RAMP3: variants seen among roughly 807,000 people sequenced by gnomAD.
RAMP3 encodes receptor activity modifying protein 3.
In RAMP3, 14 loss-of-function variants were observed where a neutral mutation model predicts 13.5. The observed-to-expected ratio is 1.04, with a 90% CI of 0.69 to 1.63. The LOEUF (loss-of-function observed/expected upper bound fraction) is 1.63, where lower values mean the gene tolerates loss of function less well. Among genes scored for constraint, RAMP3 ranks in the 40% most tolerant of loss-of-function variants. The pLI, the probability that RAMP3 is intolerant of heterozygous loss-of-function variation, is 0.00. For missense variants in RAMP3, 200 were observed against 204.8 expected (o/e 0.98, Z 0.14); for synonymous variants, 106 against 88.3 (o/e 1.20, Z -1.12).
intron 1 of RAMP3, among the ~76,000 whole-genome samples, chr7:45,162,352 A>G (rs1173304625): frequency 2.0e-5 from 3 of 152,140 alleles, no homozygotes; most frequent in African/African-American, 4.8e-5. Flanking sequence ...GGAGAGAAGG[A>G]AAGGAAGGTG....
At position 45,183,441 on chromosome 7, in the gene RAMP3, C is replaced by CCTGG. The variant is rs1786361871; in HGVS notation, c.*31_*34dup. ...TCCCGGTGAGATGGAGTGGGTCACA[C>CCTGG]CTGGCAAGCTGGAAGAAAGTTCCCT... On this transcript the variant is annotated 3_prime_UTR_variant, in exon 3 of 3. Coordinates refer to ENST00000242249, the MANE Select transcript of RAMP3 (RefSeq NM_005856.3). 1 of 1,603,400 alleles carries CCTGG rather than the reference C, an allele frequency of 6.2e-7. No individual in the cohort carries two copies. The highest frequency in any genetic ancestry group is 1.1e-5 in the South Asian group (1 of 91,038).
chr7:45,173,933 C>G (rs1226166041), intron 1 of RAMP3, among the ~76,000 whole-genome samples: 3 of 152,078 alleles, frequency 2.0e-5, no homozygotes, highest in African/African-American at 7.2e-5. Context: ...ACACATATAG[C>G]AGAGCCTCGA....
chr7:45,181,357 G>T (rs554117982), intron 2 of RAMP3, among the ~76,000 whole-genome samples: 1 of 152,324 alleles, frequency 6.6e-6, no homozygotes, highest in East Asian at 1.9e-4. Flanking sequence ...GGAACAGCAG[G>T]GGCTTTCAGC....
At chr7:45,162,650 G>C (rs563844390) in intron 1 of RAMP3, among the ~76,000 whole-genome samples, 1 of 152,212 alleles carries the variant, frequency 6.6e-6, no homozygotes, top group African/African-American at 2.4e-5. Context: ...AGGGCTTGGC[G>C]GGTTGGGCCA....
intron 1 of RAMP3, chr7:45,163,086 C>T: frequency 1.1e-6 from 1 of 870,102 alleles, no homozygotes; most frequent in Non-Finnish European, 1.4e-6. Flanking sequence ...GACCCCATGT[C>T]TGAATCACTT....
intron 1 of RAMP3, among the ~76,000 whole-genome samples, chr7:45,169,595 G>A (rs954866977): frequency 6.6e-6 from 1 of 152,126 alleles, no homozygotes; most frequent in African/African-American, 2.4e-5. Flanking sequence ...CAGGTGCTGG[G>A]CACTCCTTCC....
chr7:45,163,307 G>T (rs1785898574), intron 1 of RAMP3: 1 of 985,288 alleles, frequency 1.0e-6, no homozygotes, highest in South Asian at 4.7e-5. Flanking sequence ...CATGAATGGT[G>T]GTCCCTACCA....
intron 1 of RAMP3, among the ~76,000 whole-genome samples, chr7:45,174,057 A>G (rs1020309577): frequency 2.0e-5 from 3 of 152,050 alleles, no homozygotes; most frequent in South Asian, 4.2e-4. Context: ...AGCTGAGGAA[A>G]TGGACAAGGC....
In RAMP3 at chr7:45,181,606, G is replaced by C. The variant is rs529899747; in HGVS notation, c.192-1551G>C. The stretch of plus-strand genomic sequence containing the variant: ...ATGCTGGGAACTTCTGAAGGTGAAG[G>C]CTGTTGCAGGGTGTTGTTAGACGGC... On this transcript the variant is annotated intron_variant, in intron 2 of 2. Transcript: ENST00000242249. Among the ~76,000 whole-genome samples, 88 of 152,338 alleles carry C rather than the reference G, an allele frequency of 5.8e-4. 2 individuals are homozygous for C. Among genetic ancestry groups the C allele is most frequent in the African/African-American group, 2.0e-3 (83 of 41,584 alleles).
At chr7:45,174,477 A>G (rs1041830686) in intron 1 of RAMP3, among the ~76,000 whole-genome samples, 1 of 152,142 alleles carries the variant, frequency 6.6e-6, no homozygotes, top group African/African-American at 2.4e-5. Flanking sequence ...ACCTGGACCC[A>G]TCTTGCTCCA....
chr7:45,161,121 T>G lies in RAMP3; in HGVS notation c.58+3235T>G, dbSNP rs562931414. Among the ~76,000 whole-genome samples the G allele has an allele frequency of 2.8e-3, 395 of 142,136 alleles. 2 individuals are homozygous for G. Among genetic ancestry groups the G allele is most frequent in the African/African-American group, 0.011 (380 of 34,178 alleles). 93.2% of individuals were successfully genotyped at this position (142,136 alleles called of 152,430 possible). A position where few individuals can be genotyped will look rare whatever the true frequency, so the allele number is the denominator to read the frequency against. ...TGGCATGTGGTCCTCAAAGGCACAT[T>G]TACAATCTGCCTGAGCCAGGTCCTT... On this transcript the variant is annotated intron_variant, in intron 1 of 2. Transcript: ENST00000242249.
intron 1 of RAMP3, among the ~76,000 whole-genome samples, chr7:45,164,558 CA>C (rs1170782601): frequency 6.6e-6 from 1 of 152,074 alleles, no homozygotes; most frequent in Non-Finnish European, 1.5e-5. Flanking sequence ...AAGAATTCTC[CA>C]ATTATAATTG....
At position 45,183,163 on chromosome 7, in the gene RAMP3, T is replaced by A; in HGVS notation, c.198T>A (p.Tyr66Ter). The A allele has an allele frequency of 6.2e-7, 1 of 1,611,104 alleles. No individual in the cohort carries two copies. The highest frequency in any genetic ancestry group is 8.5e-7 in the Non-Finnish European group (1 of 1,179,958). Residue 66 changes from tyrosine to a stop codon, truncating the protein, a stop_gained, in exon 3 of 3, where the codon TAT becomes TAA. Transcript: ENST00000242249. LOFTEE classifies it high-confidence loss of function. ...ACCCCCTCTGCTTTTGCAGGTACTATGAGAGTTTCACCAACTGCACCGAGA... is the reference window on the plus strand; with the variant it reads ...ACCCCCTCTGCTTTTGCAGGTACTAAGAGAGTTTCACCAACTGCACCGAGA... ...WCNLSEFIVY[Y>*]ESFTNCTEME...
Position 45,184,111 on chromosome 7 carries a change from G to A in RAMP3, c.*699G>A. 2.5e-6 allele frequency: 1 copy of A among 399,560 alleles called. No homozygotes were observed. The highest frequency in any genetic ancestry group is 4.4e-6 in the Non-Finnish European group (1 of 226,760). The allele number at this position is 399,560 out of a possible 1,614,324, so 24.8% of individuals were successfully genotyped here. A position where few individuals can be genotyped will look rare whatever the true frequency, so the allele number is the denominator to read the frequency against. On this transcript the variant is annotated 3_prime_UTR_variant, in exon 3 of 3. Coordinates refer to ENST00000242249, the MANE Select transcript of RAMP3 (RefSeq NM_005856.3). Reference sequence around the variant, plus strand: ...TTAGAGCCCCTCACCGGGACTTGCTGTGCGGATGGGGCCTGGGCCTCCTTC... The same window carrying A: ...TTAGAGCCCCTCACCGGGACTTGCTATGCGGATGGGGCCTGGGCCTCCTTC...
chr7:45,178,148 C>A lies in RAMP3; in HGVS notation c.191+707C>A, dbSNP rs542241007. On this transcript the variant is annotated intron_variant, in intron 2 of 2. Coordinates refer to ENST00000242249, the MANE Select transcript of RAMP3 (RefSeq NM_005856.3). ...ATTGTCATGTGTCTTTCTTACAGCA[C>A]CAGTCATGGCTGGGTCTGTCCTCAG... Among the ~76,000 whole-genome samples, 4 of 152,244 alleles carry A rather than the reference C, an allele frequency of 2.6e-5. No individual in the cohort carries two copies. The South Asian group carries it at 8.3e-4, about 32-fold the overall frequency.
chr7:45,158,998 G>C (rs1785815179), intron 1 of RAMP3, among the ~76,000 whole-genome samples: 1 of 152,232 alleles, frequency 6.6e-6, no homozygotes. Flanking sequence ...GGAGATCTTG[G>C]TCGCTATAGT....
intron 1 of RAMP3, among the ~76,000 whole-genome samples, chr7:45,176,365 A>G (rs1167432583): frequency 6.6e-6 from 1 of 151,412 alleles, no homozygotes; most frequent in Non-Finnish European, 1.5e-5. Flanking sequence ...GCACTAAGAT[A>G]TAGATGGCAG....
chr7:45,180,446 G>A (rs1562572080), intron 2 of RAMP3, among the ~76,000 whole-genome samples: 1 of 152,220 alleles, frequency 6.6e-6, no homozygotes, highest in Admixed American at 6.5e-5. Flanking sequence ...AATAGGACTG[G>A]TCCACATGAC....
intron 2 of RAMP3, among the ~76,000 whole-genome samples, chr7:45,181,720 G>T (rs1481978781): frequency 6.6e-6 from 1 of 152,214 alleles, no homozygotes; most frequent in Non-Finnish European, 1.5e-5. Flanking sequence ...GGTCAGGGAA[G>T]ATGAGGGTTT....
Sources: allele counts gnomAD v4.1 joint callset (sites outside exome capture counted in the v4.1 genomes callset), GRCh38; gene constraint gnomAD v4.1.1; transcripts MANE v1.5; gene names NCBI Gene and HGNC (gene_info 2026-07-23, HGNC 2026-07-21).